The following NRG2 variants were observed in gnomAD, a reference collection of about 807,000 sequenced individuals.
NRG2 encodes the protein pro-neuregulin-2, membrane-bound isoform.
A neutral mutation model predicts 73.9 loss-of-function variants in NRG2; 27 were observed. That is an observed-to-expected ratio of 0.37 (90% confidence interval 0.27 to 0.50). The LOEUF is 0.50. Ranked by LOEUF, NRG2 falls within the 20% of genes least tolerant of loss-of-function variation. NRG2 has a pLI of 0.96. For missense variants in NRG2, 1,126 were observed against 1,210.1 expected, an observed-to-expected ratio of 0.93 and a Z score of 1.03; for synonymous variants, 532 against 541.0, an observed-to-expected ratio of 0.98 and a Z score of 0.23.
At chr5:139,861,778 C>T (rs779720678) in intron 5 of NRG2, 6 of 514,600 alleles carry the variant, frequency 1.2e-5, no homozygotes, top group African/African-American at 7.7e-5. Context: ...CCTGGCGCAC[C>T]TCTCACTGAG....
intron 1 of NRG2, among the ~76,000 whole-genome samples, chr5:139,987,775 T>G (rs1757281558): frequency 6.7e-6 from 1 of 148,928 alleles, no homozygotes; most frequent in African/African-American, 2.5e-5. Context: ...GCAGGTTGTT[T>G]TTTTTTTTTT....
intron 1 of NRG2, among the ~76,000 whole-genome samples, chr5:139,928,435 T>G (rs1046399655): frequency 2.0e-5 from 3 of 152,200 alleles, no homozygotes; most frequent in Non-Finnish European, 2.9e-5. Context: ...TGATGCACAC[T>G]CTACACGTAA....
Position 139,852,405 on chromosome 5 carries a change from G to C in NRG2, c.1544+27C>G, listed in dbSNP as rs1418805652. On this transcript the variant is annotated intron_variant, in intron 8 of 9. Transcript: ENST00000361474. This position sits in a 1 kb window ranked among gnomAD's most constrained non-coding sequence, Gnocchi z 4.4. ...CCAGATGAAGTATGTGAGTCTACAA[G>C]TTTCCATGGGCCTTGGTGGTGCCTA... 7 of 1,607,838 alleles carry C rather than the reference G, an allele frequency of 4.4e-6. No homozygotes were observed. Among genetic ancestry groups the C allele is most frequent in the Admixed American group, 1.7e-5 (1 of 59,104 alleles).
intron 2 of NRG2, among the ~76,000 whole-genome samples, chr5:139,886,761 T>C (rs1482147714): frequency 6.6e-6 from 1 of 152,222 alleles, no homozygotes; most frequent in African/African-American, 2.4e-5. Context: ...GGAACTTCTC[T>C]GATTCACTTC....
chr5:139,995,867 T>C (rs1757976951), intron 1 of NRG2, among the ~76,000 whole-genome samples: 1 of 152,078 alleles, frequency 6.6e-6, no homozygotes, highest in African/African-American at 2.4e-5. Context: ...AAAATAAAAA[T>C]TAGCCATGCA....
At chr5:140,023,424 T>C (rs939331473) in intron 1 of NRG2, among the ~76,000 whole-genome samples, 2 of 152,188 alleles carry the variant, frequency 1.3e-5, no homozygotes, top group African/African-American at 4.8e-5. Context: ...CAGTCCTAAC[T>C]CTGTACTAGA....
intron 1 of NRG2, among the ~76,000 whole-genome samples, chr5:139,925,803 G>A (rs1427317514): frequency 6.6e-6 from 1 of 152,162 alleles, no homozygotes; most frequent in African/African-American, 2.4e-5. Flanking sequence ...GGAGCTTGAA[G>A]GAAGATGTTG....
chr5:139,885,312 G>C (rs1398885506), intron 2 of NRG2, among the ~76,000 whole-genome samples: 1 of 152,208 alleles, frequency 6.6e-6, no homozygotes, highest in Non-Finnish European at 1.5e-5. Context: ...GCAAGACTAG[G>C]AGGAGCACCA....
rs946178681 is a variant in NRG2 at position 140,033,331 on chromosome 5, A to T, written c.700+9039T>A. Among the ~76,000 whole-genome samples the T allele has an allele frequency of 7.9e-5, 12 of 152,318 alleles. No homozygotes were observed. The East Asian group carries it at 2.3e-3, about 29-fold the overall frequency. On this transcript the variant is annotated intron_variant, in intron 1 of 9. Transcript: ENST00000361474. ...GACAACAGTAAAAATGTAAGATAAGACCTACCGAAGTCAAAGAGCAATCCT... is the reference window on the plus strand; with the variant it reads ...GACAACAGTAAAAATGTAAGATAAGTCCTACCGAAGTCAAAGAGCAATCCT...
chr5:139,996,906 G>C (rs915145698), intron 1 of NRG2, among the ~76,000 whole-genome samples: 1 of 152,258 alleles, frequency 6.6e-6, no homozygotes, highest in African/African-American at 2.4e-5. Context: ...AGCCGATGGG[G>C]GTGGGGGGCA....
rs368678348 is a variant in NRG2, at chr5:139,855,798, G to A, written c.1190-20C>T. 7.1e-5 allele frequency: 114 copies of A among 1,597,904 alleles called. No individual in the cohort carries two copies. The Middle Eastern group carries it at 3.0e-3, about 42-fold the overall frequency. On this transcript the variant is annotated intron_variant, in intron 5 of 9. Coordinates refer to ENST00000361474, the MANE Select transcript of NRG2 (RefSeq NM_004883.3). ...CGGCTTCTGCAGAGGTAGGGTAGAT[G>A]TGAGGGGTGGGGCAGGAGGCAAACC... is the stretch of plus-strand genomic sequence containing the variant.
chr5:139,884,212 T>A (rs1016650331), intron 2 of NRG2, among the ~76,000 whole-genome samples: 1 of 152,256 alleles, frequency 6.6e-6, no homozygotes, highest in Non-Finnish European at 1.5e-5. Context: ...TACAAAGCAA[T>A]GAAGCCATGT....
chr5:139,937,283 C>T (rs1426511187), intron 1 of NRG2, among the ~76,000 whole-genome samples: 1 of 152,180 alleles, frequency 6.6e-6, no homozygotes, highest in Admixed American at 6.5e-5. Flanking sequence ...AACATCTATT[C>T]ATGACAAAAC....
At chr5:140,012,198 A>G (rs1759417523) in intron 1 of NRG2, among the ~76,000 whole-genome samples, 1 of 147,020 alleles carries the variant, frequency 6.8e-6, no homozygotes, top group Non-Finnish European at 1.5e-5. Context: ...CAAAATCCCA[A>G]CTCAAATCTC....
intron 1 of NRG2, among the ~76,000 whole-genome samples, chr5:139,905,438 CCT>C (rs1765166266): frequency 1.3e-5 from 2 of 152,220 alleles, no homozygotes. Flanking sequence ...CTCACCCAGT[CCT>C]CTGTCTCCTC....
intron 1 of NRG2, among the ~76,000 whole-genome samples, chr5:140,035,516 C>T (rs1375623172): frequency 1.3e-5 from 2 of 152,124 alleles, no homozygotes; most frequent in African/African-American, 4.8e-5. Context: ...TTGAAGCAAA[C>T]ATTGAAAAGA....
At chr5:139,949,114 A>G (rs534097370) in intron 1 of NRG2, among the ~76,000 whole-genome samples, 14 of 152,318 alleles carry the variant, frequency 9.2e-5, no homozygotes, top group African/African-American at 3.4e-4. Context: ...TTTGACCACT[A>G]TAAAAATAAT....
At position 139,954,883 on chromosome 5, in the gene NRG2, GTGT is replaced by G. The variant is rs772170163; in HGVS notation, c.701-67375_701-67373del. Among the ~76,000 whole-genome samples the G allele has an allele frequency of 6.6e-5, 10 of 151,444 alleles. No individual in the cohort carries two copies. The highest frequency in any genetic ancestry group is 1.3e-4 in the Non-Finnish European group (9 of 68,018). Reference sequence around the variant, plus strand: ...GGCACACAGTAAACATTAGCTATTGGTGTTGTTATTATTGTTCTATTCATGATC... The same window carrying G: ...GGCACACAGTAAACATTAGCTATTGGTGTTATTATTGTTCTATTCATGATC... On this transcript the variant is annotated intron_variant, in intron 1 of 9. Coordinates refer to ENST00000361474, the MANE Select transcript of NRG2 (RefSeq NM_004883.3). This position sits in a 1 kb window ranked among gnomAD's most constrained non-coding sequence, Gnocchi z 5.0.
chr5:139,889,862 T>C (rs1238287764), intron 1 of NRG2, among the ~76,000 whole-genome samples: 1 of 152,212 alleles, frequency 6.6e-6, no homozygotes, highest in Non-Finnish European at 1.5e-5. Flanking sequence ...AGATAAATAA[T>C]AGCTCTTACC....
Sources: allele counts gnomAD v4.1 joint callset (sites outside exome capture counted in the v4.1 genomes callset), GRCh38; gene constraint gnomAD v4.1.1; non-coding constraint Gnocchi (gnomAD v3.1); transcripts MANE v1.5; gene names NCBI Gene and HGNC (gene_info 2026-07-23, HGNC 2026-07-21).